The following RIMS1 variants were observed in gnomAD, a reference collection of about 807,000 sequenced individuals.
RIMS1 encodes regulating synaptic membrane exocytosis protein 1.
In RIMS1, 83 loss-of-function variants were observed where a neutral mutation model predicts 214.1. The ratio of observed to expected loss-of-function variants is 0.39; its 90% CI spans 0.32 to 0.47. RIMS1 has a LOEUF of 0.47. RIMS1 is among the 20% of genes least tolerant of loss of function. The pLI, the probability that RIMS1 is intolerant of heterozygous loss-of-function variation, is 0.99. For synonymous variants in RIMS1, 793 were observed against 786.8 expected, an observed-to-expected ratio of 1.01 and a Z score of -0.13; for missense variants, 2,050 against 2,161.8, an observed-to-expected ratio of 0.95 and a Z score of 1.03.
chr6:72,097,428 T>A (rs1014595520), intron 3 of RIMS1, among the ~76,000 whole-genome samples: 3 of 152,220 alleles, frequency 2.0e-5, no homozygotes, highest in Non-Finnish European at 2.9e-5. Flanking sequence ...TTCATTTGGT[T>A]TTTGAAAAAT....
Position 72,093,871 on chromosome 6 carries a change from G to C in RIMS1, c.246-3078G>C, listed in dbSNP as rs1038264747. Among the ~76,000 whole-genome samples the C allele has an allele frequency of 1.2e-4, 18 of 152,076 alleles. No individual in the cohort carries two copies. In the East Asian group the frequency reaches 3.5e-3, roughly 29 times the overall value. On this transcript the variant is annotated intron_variant, in intron 2 of 33. Transcript: ENST00000521978. ...TTTATTTTCAATCACTTCTACAGGA[G>C]TTAAAACTGAAGTTCTTGGTCACAG... is the stretch of plus-strand genomic sequence containing the variant.
chr6:72,020,035 A>G (rs1419898080), intron 2 of RIMS1, among the ~76,000 whole-genome samples: 1 of 152,190 alleles, frequency 6.6e-6, no homozygotes, highest in African/African-American at 2.4e-5. Flanking sequence ...TGGGGTTCAA[A>G]TCCTGCTCTG....
intron 24 of RIMS1, among the ~76,000 whole-genome samples, chr6:72,284,830 C>A (rs1029341360): frequency 6.6e-6 from 1 of 152,050 alleles, no homozygotes; most frequent in African/African-American, 2.4e-5. Flanking sequence ...TCATAGCTTT[C>A]ATTATAGAGG....
chr6:71,904,775 G>A (rs1241612685), intron 1 of RIMS1, among the ~76,000 whole-genome samples: 1 of 152,118 alleles, frequency 6.6e-6, no homozygotes, highest in Non-Finnish European at 1.5e-5. Context: ...AGACTGTCCA[G>A]ATTGTGGACC....
At chr6:72,060,536 C>G (rs528638639) in intron 2 of RIMS1, among the ~76,000 whole-genome samples, 2 of 152,128 alleles carry the variant, frequency 1.3e-5, no homozygotes, top group African/African-American at 4.8e-5. Context: ...TACTATTGTT[C>G]TGATTAAGTA....
Position 72,159,316 on chromosome 6 carries a change from T to C in RIMS1, c.472-20259T>C, listed in dbSNP as rs1338443291. Among the ~76,000 whole-genome samples the C allele has an allele frequency of 1.4e-5, 2 of 140,796 alleles. 1 individual carries two copies. The highest frequency in any genetic ancestry group is 3.2e-5 in the Non-Finnish European group (2 of 61,980). 92.4% of individuals were successfully genotyped at this position (140,796 alleles called of 152,430 possible). ...TTAGCCCTTTGTCAGATAAGTAGATTGCAAAAATTTTCTCCCATTCTGTAG... is the reference window on the plus strand; with the variant it reads ...TTAGCCCTTTGTCAGATAAGTAGATCGCAAAAATTTTCTCCCATTCTGTAG... On this transcript the variant is annotated intron_variant, in intron 4 of 33. Coordinates refer to ENST00000521978, the MANE Select transcript of RIMS1 (RefSeq NM_014989.7).
intron 1 of RIMS1, among the ~76,000 whole-genome samples, chr6:71,951,992 G>A (rs150200959): frequency 6.6e-6 from 1 of 152,128 alleles, no homozygotes; most frequent in Admixed American, 6.5e-5. Context: ...TCTCCACCCA[G>A]GTCTCATGGA....
At chr6:72,307,114 C>A in intron 26 of RIMS1, 144 bp from the exon 27 acceptor site, 1 of 604,128 alleles carries the variant, frequency 1.7e-6, no homozygotes, top group Non-Finnish European at 3.0e-6. Flanking sequence ...GTATATTCTG[C>A]ATTTTTGTTT....
chr6:71,975,857 G>A (rs562918056), intron 2 of RIMS1, among the ~76,000 whole-genome samples: 2 of 151,992 alleles, frequency 1.3e-5, no homozygotes, highest in African/African-American at 4.8e-5. Flanking sequence ...TTTTCATTTA[G>A]CATAATGTTT....
At chr6:72,138,705 C>CA (rs1481340012) in intron 4 of RIMS1, among the ~76,000 whole-genome samples, 4 of 151,984 alleles carry the variant, frequency 2.6e-5, no homozygotes, top group Admixed American at 6.6e-5. Flanking sequence ...AGGCACATTA[C>CA]AAAAAATGAA....
At chr6:72,343,583 T>A (rs1458694662) in intron 29 of RIMS1, among the ~76,000 whole-genome samples, 2 of 147,752 alleles carry the variant, frequency 1.4e-5, no homozygotes, top group African/African-American at 5.0e-5. Flanking sequence ...AGTCCTGGGA[T>A]TACTGGCATG....
intron 1 of RIMS1, among the ~76,000 whole-genome samples, chr6:71,888,428 G>A (rs1582834084): frequency 6.6e-6 from 1 of 152,188 alleles, no homozygotes; most frequent in East Asian, 1.9e-4. Flanking sequence ...AGCAAAAGAG[G>A]GGTGGGGAGG....
At chr6:72,184,127 C>T (rs1019717133) in intron 6 of RIMS1, among the ~76,000 whole-genome samples, 1 of 152,118 alleles carries the variant, frequency 6.6e-6, no homozygotes, top group Non-Finnish European at 1.5e-5. Context: ...CAGTAAATTG[C>T]GTGGTATCTT....
At position 72,123,579 on chromosome 6, in the gene RIMS1, G is replaced by A. The variant is rs571303706; in HGVS notation, c.471+23593G>A. ...CTAATATTGACAGTGGGGTGTTAAA[G>A]TCTCCCATTATTATTGTGAGGGAGT... On this transcript the variant is annotated intron_variant, in intron 4 of 33. Transcript: ENST00000521978. Among the ~76,000 whole-genome samples the A allele has an allele frequency of 2.0e-4, 31 of 151,974 alleles. 1 individual carries two copies. Among genetic ancestry groups the A allele is most frequent in the Admixed American group, 3.9e-4 (6 of 15,230 alleles).
At position 72,200,898 on chromosome 6, in the gene RIMS1, T is replaced by TGTGG. The variant is rs780364771; in HGVS notation, c.1678+17750_1678+17751insTGGG. ...GTGTGTGTGTGTGTGTGTGTGTGTGTGGTCTGAGCTAACATGCCAATTTCT... is the reference window on the plus strand; with the variant it reads ...GTGTGTGTGTGTGTGTGTGTGTGTGTGTGGGGTCTGAGCTAACATGCCAATTTCT... On this transcript the variant is annotated intron_variant, in intron 6 of 33. Transcript: ENST00000521978. Among the ~76,000 whole-genome samples, 5 of 140,310 alleles carry TGTGG rather than the reference T, an allele frequency of 3.6e-5. No individual in the cohort carries two copies. In the Admixed American group the frequency reaches 3.6e-4, roughly 10 times the overall value. The allele number at this position is 140,310 out of a possible 152,430, so 92.0% of individuals were successfully genotyped here.
chr6:72,014,111 G>A (rs996773477), intron 2 of RIMS1, among the ~76,000 whole-genome samples: 5 of 152,232 alleles, frequency 3.3e-5, no homozygotes, highest in African/African-American at 1.2e-4. Context: ...GTTCAGCATG[G>A]CTGGGGAGGC....
intron 6 of RIMS1, among the ~76,000 whole-genome samples, chr6:72,227,659 C>G (rs890520256): frequency 1.3e-5 from 2 of 151,862 alleles, no homozygotes; most frequent in South Asian, 4.2e-4. Flanking sequence ...TTGCCTGTGT[C>G]CTAAAATTAT....
chr6:71,974,602 G>A (rs551028448), intron 2 of RIMS1, among the ~76,000 whole-genome samples: 1 of 152,224 alleles, frequency 6.6e-6, no homozygotes, highest in South Asian at 2.1e-4. Context: ...GAAGATTTGA[G>A]AAAATTTCAT....
chr6:72,185,084 C>A (rs1001254826), intron 6 of RIMS1, among the ~76,000 whole-genome samples: 15 of 152,220 alleles, frequency 9.9e-5, no homozygotes, highest in African/African-American at 3.1e-4. Flanking sequence ...AACAATGCCC[C>A]TAGCTACCCA....
Sources: gnomAD v4.1 joint callset for allele counts (sites outside exome capture counted in the v4.1 genomes callset) on GRCh38, gnomAD v4.1.1 for gene constraint, MANE v1.5 for transcripts, NCBI Gene and HGNC (gene_info 2026-07-23, HGNC 2026-07-21) for gene names.